The following UNC13C variants were observed in gnomAD, a reference collection of about 807,000 sequenced individuals.
UNC13C encodes the protein unc-13 homolog C.
A neutral mutation model predicts 245.4 loss-of-function variants in UNC13C; 174 were observed. The observed-to-expected ratio is 0.71, with a 90% confidence interval of 0.63 to 0.80. The LOEUF (loss-of-function observed/expected upper bound fraction) is 0.80, where lower values mean the gene tolerates loss of function less well. Ranked by LOEUF, UNC13C falls within the 30% of genes least tolerant of loss-of-function variation. The probability of loss-of-function intolerance (pLI) is 0.00; values close to 1 mark genes in which losing one functional copy is unlikely to be tolerated. For synonymous variants in UNC13C, 992 were observed against 895.1 expected (o/e 1.11, Z -1.93); for missense variants, 2,829 against 2,602.9 (o/e 1.09, Z -1.89).
At chr15:54,172,709 TATATATATATATATATATATA>T (rs1464973730) in intron 4 of UNC13C, among the ~76,000 whole-genome samples, 16,620 of 54,206 alleles carry the variant, frequency 0.31, 2,191 homozygotes, top group East Asian at 0.36. Flanking sequence ...CACAGATATA[TATATATATATATATATATATA>T]TATATATATA....
At chr15:54,184,576 G>A (rs2033910211) in intron 4 of UNC13C, among the ~76,000 whole-genome samples, 1 of 152,054 alleles carries the variant, frequency 6.6e-6, no homozygotes, top group Non-Finnish European at 1.5e-5. Flanking sequence ...CTTCATCCAT[G>A]TCCCTACAAA....
chr15:53,948,647 A>G, the UNC13C span: 1 of 151,726 alleles, frequency 6.6e-6, no homozygotes, highest in East Asian at 1.9e-4. Flanking sequence ...ACAGAAATTT[A>G]TTATACTCTT....
chr15:54,129,353 T>C (rs1023342689), intron 2 of UNC13C, among the ~76,000 whole-genome samples: 1 of 152,218 alleles, frequency 6.6e-6, no homozygotes, highest in Admixed American at 6.5e-5. Flanking sequence ...CATACTTTCT[T>C]TTCTGATTTC....
chr15:54,600,356 G>A (rs983635631), intron 30 of UNC13C, among the ~76,000 whole-genome samples: 2 of 152,028 alleles, frequency 1.3e-5, no homozygotes, highest in African/African-American at 4.8e-5. Context: ...CGGGATGAGA[G>A]CATTTTTCCA....
the UNC13C span, among the ~76,000 whole-genome samples, chr15:53,878,609 G>T: frequency 6.6e-6 from 1 of 151,970 alleles, no homozygotes; most frequent in Non-Finnish European, 1.5e-5. Context: ...TGCACTTCTT[G>T]TCTGTGCTGC....
chr15:54,014,312 A>C lies in UNC13C; in HGVS notation c.1409A>C (p.Lys470Thr). The C allele has an allele frequency of 6.2e-7, 1 of 1,613,952 alleles. No homozygotes were observed. The highest frequency in any genetic ancestry group is 1.1e-5 in the South Asian group (1 of 91,084). Residue 470 changes from lysine to threonine, a missense_variant, in exon 2 of 33, where the codon AAG becomes ACG. Transcript: ENST00000260323. ...AGAAACAGTTACGCTGTGCTTTCCA[A>C]GTCAGAGCTTCTAACAAAGGGAAGT... is the stretch of plus-strand genomic sequence containing the variant. ...LNRNSYAVLS[K>T]SELLTKGSTS... is the part of the protein sequence containing the mutation.
chr15:54,300,592 G>C (rs1041638948), intron 13 of UNC13C, among the ~76,000 whole-genome samples: 1 of 152,090 alleles, frequency 6.6e-6, no homozygotes, highest in Non-Finnish European at 1.5e-5. Context: ...TGTCCTCCAA[G>C]TGTGGTTCCT....
chr15:53,987,457 A>G (rs1022210152), intron 1 of UNC13C, among the ~76,000 whole-genome samples: 10 of 152,078 alleles, frequency 6.6e-5, no homozygotes, highest in African/African-American at 2.4e-4. Flanking sequence ...CACTTCCTCC[A>G]GAATAGCAAT....
chr15:54,112,533 T>A (rs574160724), intron 2 of UNC13C, among the ~76,000 whole-genome samples: 1 of 152,304 alleles, frequency 6.6e-6, no homozygotes, highest in Non-Finnish European at 1.5e-5. Flanking sequence ...GTACACATGG[T>A]TGATAAAAGG....
intron 13 of UNC13C, among the ~76,000 whole-genome samples, chr15:54,308,648 G>A (rs1014628725): frequency 2.0e-5 from 3 of 151,598 alleles, no homozygotes; most frequent in African/African-American, 4.8e-5. Context: ...ATATCTCCCA[G>A]CACCCACCCT....
At chr15:54,406,365 A>T (rs1406980735) in intron 18 of UNC13C, among the ~76,000 whole-genome samples, 1 of 152,076 alleles carries the variant, frequency 6.6e-6, no homozygotes, top group East Asian at 1.9e-4. Context: ...TAAGGATCTT[A>T]TTTCCTGCTT....
intron 19 of UNC13C, among the ~76,000 whole-genome samples, chr15:54,445,529 C>T (rs1448430924): frequency 4.6e-5 from 7 of 151,806 alleles, no homozygotes; most frequent in Non-Finnish European, 1.0e-4. Flanking sequence ...TTGTGGTTTG[C>T]ATTTCTCTGA....
chr15:54,589,131 A>G (rs1462477494), intron 30 of UNC13C, among the ~76,000 whole-genome samples: 3 of 151,990 alleles, frequency 2.0e-5, no homozygotes, highest in Non-Finnish European at 2.9e-5. Flanking sequence ...GATCACCGCA[A>G]TGACACCAAC....
chr15:53,958,843 A>T, the UNC13C span, among the ~76,000 whole-genome samples: 24 of 152,226 alleles, frequency 1.6e-4, no homozygotes, highest in African/African-American at 5.5e-4. Context: ...CAAATATACA[A>T]TCGATTATTA....
At chr15:54,328,642 C>G (rs2038359197) in intron 14 of UNC13C, among the ~76,000 whole-genome samples, 1 of 151,962 alleles carries the variant, frequency 6.6e-6, no homozygotes, top group African/African-American at 2.4e-5. Context: ...CATACCCCTT[C>G]CTTACAAGAG....
At chr15:53,842,553 C>A in the UNC13C span, among the ~76,000 whole-genome samples, 1 of 152,100 alleles carries the variant, frequency 6.6e-6, no homozygotes, top group African/African-American at 2.4e-5. Context: ...CTGAACCCTT[C>A]TTGAGACTTT....
intron 2 of UNC13C, among the ~76,000 whole-genome samples, chr15:54,069,462 T>C (rs1043899279): frequency 2.0e-5 from 3 of 152,216 alleles, no homozygotes; most frequent in Admixed American, 2.0e-4. Context: ...AAGACTGTTT[T>C]AGAAGTTTGT....
intron 4 of UNC13C, among the ~76,000 whole-genome samples, chr15:54,169,340 C>A (rs911676796): frequency 6.6e-6 from 1 of 152,122 alleles, no homozygotes. Flanking sequence ...ATTATGAACA[C>A]CTTTCCAGAA....
intron 19 of UNC13C, among the ~76,000 whole-genome samples, chr15:54,463,228 G>A (rs991267493): frequency 4.1e-5 from 5 of 122,208 alleles, no homozygotes; most frequent in Non-Finnish European, 8.3e-5. Flanking sequence ...TGGGCCAATC[G>A]GCTCTCAGTA....
Sources: gnomAD v4.1 joint callset for allele counts (sites outside exome capture counted in the v4.1 genomes callset) on GRCh38, gnomAD v4.1.1 for gene constraint, MANE v1.5 for transcripts, NCBI Gene and HGNC (gene_info 2026-07-23, HGNC 2026-07-21) for gene names.